The following MAGI3 variants were observed in gnomAD, a reference collection of about 807,000 sequenced individuals.
MAGI3 encodes membrane-associated guanylate kinase, WW and PDZ domain-containing protein 3.
Under a neutral mutation model 121.8 loss-of-function variants are expected in MAGI3, and 43 were observed. The ratio of observed to expected loss-of-function variants is 0.35; its 90% CI spans 0.28 to 0.46. MAGI3 has a LOEUF of 0.46. MAGI3 is among the 20% of genes least tolerant of loss of function. MAGI3 has a pLI of 1.00. For missense variants in MAGI3, 1,547 were observed against 1,797.3 expected, an observed-to-expected ratio of 0.86 and a Z score of 2.52; for synonymous variants, 553 against 639.3, an observed-to-expected ratio of 0.86 and a Z score of 2.04.
At chr1:113,423,328 G>A (rs1248209656) in intron 1 of MAGI3, among the ~76,000 whole-genome samples, 5 of 151,198 alleles carry the variant, frequency 3.3e-5, no homozygotes, top group Non-Finnish European at 7.4e-5. Flanking sequence ...CTGGAGTGCA[G>A]TGGCCTGATC....
chr1:113,474,397 G>A (rs999051470), intron 1 of MAGI3, among the ~76,000 whole-genome samples: 1 of 152,126 alleles, frequency 6.6e-6, no homozygotes, highest in Non-Finnish European at 1.5e-5. Context: ...ATGGTTTTAG[G>A]TCTAACATTT....
rs1648522889 is a variant in MAGI3, at chr1:113,685,901, T to TA, written c.*1888dup. ...GATCTGTAAATTGCTCATTATTTTT[T>TA]ATATAGATATTTAAAAAAAACAGTT... On this transcript the variant is annotated 3_prime_UTR_variant, in exon 21 of 21. Coordinates refer to ENST00000307546, the MANE Select transcript of MAGI3 (RefSeq NM_001142782.2). 6.6e-6 allele frequency: 1 copy of TA among 152,230 alleles called. No individual in the cohort carries two copies. The highest frequency in any genetic ancestry group is 2.1e-4 in the South Asian group (1 of 4,834). 9.4% of individuals were successfully genotyped at this position (152,230 alleles called of 1,614,324 possible).
chr1:113,585,441 A>C lies in MAGI3; in HGVS notation c.608A>C (p.Asp203Ala). ...PPAEPSPFQP[D>A]PVDQVLFDNE... ...GCAGAACCCAGCCCTTTTCAGCCAG[A>C]TCCAGTTGATCAAGTCCTCTTTGAT... The change falls in exon 4 of 21, where the codon GAT becomes GCT. Residue 203 changes from aspartate (D) to alanine (A), a missense_variant. Transcript: ENST00000307546. 3 of 1,614,134 alleles carry C rather than the reference A, an allele frequency of 1.9e-6. No homozygotes were observed. The highest frequency in any genetic ancestry group is 2.5e-6 in the Non-Finnish European group (3 of 1,180,006).
intron 2 of MAGI3, among the ~76,000 whole-genome samples, chr1:113,578,612 G>A (rs779118519): frequency 6.6e-6 from 1 of 151,982 alleles, no homozygotes; most frequent in African/African-American, 2.4e-5. Flanking sequence ...TTATAGAGAC[G>A]AGGTCTTACT....
intron 1 of MAGI3, among the ~76,000 whole-genome samples, chr1:113,442,687 T>A (rs944747273): frequency 2.0e-5 from 3 of 151,820 alleles, no homozygotes; most frequent in Admixed American, 1.3e-4. Context: ...CATACATATA[T>A]ATATATAAAA....
chr1:113,450,195 C>A, intron 1 of MAGI3: 1 of 1,562,774 alleles, frequency 6.4e-7, no homozygotes, highest in South Asian at 1.1e-5. Flanking sequence ...TTCAGAAATA[C>A]CACACTATTA....
At chr1:113,438,269 C>T (rs1653737274) in intron 1 of MAGI3, among the ~76,000 whole-genome samples, 1 of 152,056 alleles carries the variant, frequency 6.6e-6, no homozygotes, top group South Asian at 2.1e-4. Context: ...TACAGTAGTC[C>T]CCCTGTATCC....
intron 1 of MAGI3, among the ~76,000 whole-genome samples, chr1:113,543,737 G>A (rs571685960): frequency 3.3e-5 from 5 of 152,088 alleles, no homozygotes; most frequent in Admixed American, 2.0e-4. Flanking sequence ...GCCTGGTGGC[G>A]TGTGCCTGTG....
intron 8 of MAGI3, among the ~76,000 whole-genome samples, chr1:113,620,132 A>G (rs1416941930): frequency 6.6e-6 from 1 of 152,166 alleles, no homozygotes; most frequent in Non-Finnish European, 1.5e-5. Flanking sequence ...GGCTAGACCA[A>G]TATTAGGTCT....
At chr1:113,446,010 T>C (rs566707493) in intron 1 of MAGI3, among the ~76,000 whole-genome samples, 5 of 152,366 alleles carry the variant, frequency 3.3e-5, no homozygotes, top group East Asian at 1.9e-4. Flanking sequence ...GCAAGTATTA[T>C]TGTAACAACA....
At chr1:113,516,390 C>CAAAAA (rs60186333) in intron 1 of MAGI3, among the ~76,000 whole-genome samples, 47 of 70,972 alleles carry the variant, frequency 6.6e-4, no homozygotes, top group South Asian at 5.9e-3. Context: ...GAAGTTCTCA[C>CAAAAA]AAAAAAAAAA....
At chr1:113,542,210 A>T (rs191284230) in intron 1 of MAGI3, among the ~76,000 whole-genome samples, 2 of 152,274 alleles carry the variant, frequency 1.3e-5, no homozygotes, top group East Asian at 3.9e-4. Context: ...TTTTTGATCT[A>T]ATAACCCAGA....
chr1:113,447,478 A>G (rs1654232513), intron 1 of MAGI3, among the ~76,000 whole-genome samples: 1 of 152,236 alleles, frequency 6.6e-6, no homozygotes, highest in South Asian at 2.1e-4. Context: ...ATACAATTAC[A>G]ATGGGAATTA....
chr1:113,660,472 T>A (rs955454627), intron 16 of MAGI3, among the ~76,000 whole-genome samples: 12 of 152,048 alleles, frequency 7.9e-5, no homozygotes, highest in African/African-American at 2.9e-4. Flanking sequence ...GTACATGGCC[T>A]TCCCCCGCAA....
At chr1:113,628,874 T>A (rs1651416946) in intron 9 of MAGI3, among the ~76,000 whole-genome samples, 1 of 152,188 alleles carries the variant, frequency 6.6e-6, no homozygotes, top group Admixed American at 6.5e-5. Context: ...GGAGTTTGAT[T>A]TTTAAATGCC....
At chr1:113,495,718 G>T (rs1024666590) in intron 1 of MAGI3, among the ~76,000 whole-genome samples, 4 of 152,114 alleles carry the variant, frequency 2.6e-5, no homozygotes, top group African/African-American at 9.7e-5. Flanking sequence ...ATGCATTTAG[G>T]ACAAAAGTTT....
At chr1:113,398,214 G>T (rs993206795) in intron 1 of MAGI3, among the ~76,000 whole-genome samples, 1 of 152,102 alleles carries the variant, frequency 6.6e-6, no homozygotes, top group Non-Finnish European at 1.5e-5. Flanking sequence ...GAAAGGACAC[G>T]CTGTCCTTAT....
At chr1:113,426,709 T>C (rs1265534835) in intron 1 of MAGI3, among the ~76,000 whole-genome samples, 1 of 152,210 alleles carries the variant, frequency 6.6e-6, no homozygotes, top group Non-Finnish European at 1.5e-5. Flanking sequence ...ATTTAGCTAA[T>C]TCAGCTTTTT....
chr1:113,520,641 G>A (rs556290681), intron 1 of MAGI3, among the ~76,000 whole-genome samples: 48 of 151,866 alleles, frequency 3.2e-4, no homozygotes, highest in African/African-American at 9.7e-4. Context: ...GTCTCACTCT[G>A]TCACCTAGGC....
Sources: allele counts gnomAD v4.1 joint callset (sites outside exome capture counted in the v4.1 genomes callset), GRCh38; gene constraint gnomAD v4.1.1; transcripts MANE v1.5; gene names NCBI Gene and HGNC (gene_info 2026-07-23, HGNC 2026-07-21).